CC2D2B: variants seen among roughly 807,000 people sequenced by gnomAD.
CC2D2B encodes coiled-coil and C2 domain containing 2B, also known as protein CC2D2B.
A neutral mutation model predicts 161.2 loss-of-function variants in CC2D2B; 128 were observed. The ratio of observed to expected loss-of-function variants is 0.79; its 90% CI spans 0.69 to 0.92. CC2D2B has a LOEUF of 0.92. Among genes scored for constraint, CC2D2B ranks in the 40% least tolerant of loss-of-function variants. The pLI, the probability that CC2D2B is intolerant of heterozygous loss-of-function variation, is 0.00. For synonymous variants in CC2D2B, 391 were observed against 449.8 expected, an observed-to-expected ratio of 0.87 and a Z score of 1.65; for missense variants, 1,173 against 1,375.1, an observed-to-expected ratio of 0.85 and a Z score of 2.32.
intron 26 of CC2D2B, among the ~76,000 whole-genome samples, chr10:96,010,868 G>A (rs958665849): frequency 8.5e-5 from 13 of 152,186 alleles, no homozygotes; most frequent in Non-Finnish European, 1.5e-4. Context: ...CTGCCTATGT[G>A]TCCTGACACC....
At chr10:95,952,060 G>A (rs1299949319) in intron 10 of CC2D2B, among the ~76,000 whole-genome samples, 10 of 152,084 alleles carry the variant, frequency 6.6e-5, no homozygotes, top group Admixed American at 6.6e-4. Flanking sequence ...CATGTTCATT[G>A]GCCTCCCACT....
intron 25 of CC2D2B, among the ~76,000 whole-genome samples, chr10:96,008,132 GA>G (rs1248701346): frequency 1.4e-5 from 2 of 143,724 alleles, no homozygotes; most frequent in Non-Finnish European, 3.0e-5. Context: ...CTATTTTCTA[GA>G]ATTTTATCGA....
At chr10:95,997,788 G>A (rs1750443788) in intron 24 of CC2D2B, among the ~76,000 whole-genome samples, 2 of 152,174 alleles carry the variant, frequency 1.3e-5, no homozygotes. Flanking sequence ...GTTCCCAGTG[G>A]TTCTAATGCT....
In CC2D2B at chr10:96,013,891, T is replaced by A; in HGVS notation, c.3516+14T>A. 7.7e-7 allele frequency: 1 copy of A among 1,295,842 alleles called. No individual in the cohort carries two copies. Among genetic ancestry groups the A allele is most frequent in the Non-Finnish European group, 1.1e-6 (1 of 945,026 alleles). The allele number at this position is 1,295,842 out of a possible 1,614,324, so 80.3% of individuals were successfully genotyped here. A position where few individuals can be genotyped will look rare whatever the true frequency, so the allele number is the denominator to read the frequency against. On this transcript the variant is annotated intron_variant, in intron 29 of 34. Coordinates refer to ENST00000646931, the MANE Select transcript of CC2D2B (RefSeq NM_001349008.3). ...ATGACATCAGAGGTAATAAATTACA[T>A]TTTATATATATAATTGAAATATATA... is the stretch of plus-strand genomic sequence containing the variant.
At chr10:96,009,974 A>C in intron 26 of CC2D2B, 51 bp downstream of exon 26, 1 of 1,134,154 alleles carries the variant, frequency 8.8e-7, no homozygotes, top group East Asian at 2.4e-5. Flanking sequence ...TCTGGCTCAT[A>C]GAAAAACTTT....
Position 95,925,120 on chromosome 10 carries a change from C to G in CC2D2B, c.240+276C>G, listed in dbSNP as rs1016060131. ...TATTGTTAAAAGATAAACTTAGGAA[C>G]ATTAAAAGTTTAAAGAGTTTATTTG... On this transcript the variant is annotated intron_variant, in intron 5 of 34. Transcript: ENST00000646931. Among the ~76,000 whole-genome samples, 12 of 152,142 alleles carry G rather than the reference C, an allele frequency of 7.9e-5. No individual in the cohort carries two copies. The South Asian group carries it at 2.5e-3, about 32-fold the overall frequency.
At chr10:95,934,977 T>C (rs2075765612) in intron 6 of CC2D2B, among the ~76,000 whole-genome samples, 1 of 152,160 alleles carries the variant, frequency 6.6e-6, no homozygotes, top group Non-Finnish European at 1.5e-5. Context: ...TTCAAGCGAT[T>C]CTCTTGCCTC....
chr10:96,025,183 AT>A (rs61001785), intron 33 of CC2D2B, among the ~76,000 whole-genome samples: 2,798 of 15,432 alleles, frequency 0.18, 151 homozygotes, highest in African/African-American at 0.3. Context: ...ATATATATAT[AT>A]AAAAAAAAAT....
At chr10:95,981,910 G>A (rs976147496) in intron 17 of CC2D2B, 65 bp from the exon 18 acceptor site, 9 of 817,226 alleles carry the variant, frequency 1.1e-5, no homozygotes, top group Non-Finnish European at 1.5e-5. Flanking sequence ...ATATAACAGT[G>A]TATTATATAT....
rs1331841746 is a variant in CC2D2B at position 95,938,691 on chromosome 10, C to T, written c.658C>T (p.Leu220Phe). The change falls in exon 8 of 35, where the codon CTT (leucine) becomes TTT (phenylalanine). Residue 220 changes from leucine to phenylalanine, a missense_variant. Physicochemically the swap from Leu to Phe is conservative, Grantham distance 22. Coordinates refer to ENST00000646931, the MANE Select transcript of CC2D2B (RefSeq NM_001349008.3). The part of the protein sequence containing the change: ...KTCNKMENRL[L>F]KLEEGKCWFG... ...CTGCAACAAAATGGAAAATCGCCTGCTTAAACTAGAAGAGGCAAGTGCACC... is the reference window on the plus strand; with the variant it reads ...CTGCAACAAAATGGAAAATCGCCTGTTTAAACTAGAAGAGGCAAGTGCACC... 2 of 712,526 alleles carry T rather than the reference C, an allele frequency of 2.8e-6. No homozygotes were observed. 44.1% of individuals were successfully genotyped at this position (712,526 alleles called of 1,614,324 possible).
In CC2D2B at chr10:95,974,050, T is replaced by C; in HGVS notation, c.1837T>C (p.Cys613Arg). Residue 613 changes from cysteine (C) to arginine (R), a missense_variant, in exon 17 of 35, where the codon TGT becomes CGT. Around this residue, in one of 3 missense-constraint regions of CC2D2B, gnomAD observed 277 missense variants for 420.6 expected, o/e 0.66. Coordinates refer to ENST00000646931, the MANE Select transcript of CC2D2B (RefSeq NM_001349008.3). ...TGAGGGAAATGGAACTGAAGAACTC[T>C]GTCTTTTGACATCAGGAAAACTTAG... is the stretch of plus-strand genomic sequence containing the variant. ...LLEGNGTEELCLLTSGKLSYS... is the reference protein window; with the variant it reads ...LLEGNGTEELRLLTSGKLSYS... The C allele has an allele frequency of 8.1e-7, 1 of 1,231,688 alleles. No homozygotes were observed. Among genetic ancestry groups the C allele is most frequent in the Non-Finnish European group, 1.0e-6 (1 of 987,556 alleles). 76.3% of individuals were successfully genotyped at this position (1,231,688 alleles called of 1,614,324 possible). A position where few individuals can be genotyped will look rare whatever the true frequency, so the allele number is the denominator to read the frequency against.
chr10:96,012,222 T>C lies in CC2D2B; in HGVS notation c.3083T>C (p.Leu1028Ser), dbSNP rs2079025005. 1.4e-6 allele frequency: 1 copy of C among 702,326 alleles called. No homozygotes were observed. The highest frequency in any genetic ancestry group is 1.8e-5 in the African/African-American group (1 of 56,526). The allele number at this position is 702,326 out of a possible 1,614,324, so 43.5% of individuals were successfully genotyped here. The change falls in exon 27 of 35, where the codon TTG (leucine) becomes TCG (serine). Residue 1028 changes from leucine to serine, a missense_variant. Leu to Ser is a moderately radical substitution (Grantham distance 145). Transcript: ENST00000646931. ...TTTCAAGTAACTATTCCACCAGTTT[T>C]GCTCGGGTATACTTGGAGTAATACT... ...GTFQVTIPPVLLGYTWSNTYV... is the reference protein window; with the variant it reads ...GTFQVTIPPVSLGYTWSNTYV...
At chr10:95,912,777 A>G (rs2098508723) in intron 2 of CC2D2B, among the ~76,000 whole-genome samples, 1 of 152,160 alleles carries the variant, frequency 6.6e-6, no homozygotes, top group Non-Finnish European at 1.5e-5. Flanking sequence ...TTTATCATTA[A>G]AAGGCCTTTT....
rs2080108752 is a variant in CC2D2B, at chr10:96,032,931, C to T, written c.*923C>T. On this transcript the variant is annotated 3_prime_UTR_variant, in exon 35 of 35. Coordinates refer to ENST00000646931, the MANE Select transcript of CC2D2B (RefSeq NM_001349008.3). ...TGGCTTATCTAGATCCTAAGAGCCC[C>T]TCAAGAAAGACTGGACAGGGGTCTA... 1 of 320,568 alleles carries T rather than the reference C, an allele frequency of 3.1e-6. No homozygotes were observed. Among genetic ancestry groups the T allele is most frequent in the Admixed American group, 3.8e-5 (1 of 26,002 alleles). 19.9% of individuals were successfully genotyped at this position (320,568 alleles called of 1,614,324 possible). A position where few individuals can be genotyped will look rare whatever the true frequency, so the allele number is the denominator to read the frequency against.
At chr10:95,983,860 T>C in intron 19 of CC2D2B, 51 bp downstream of exon 19, 1 of 822,854 alleles carries the variant, frequency 1.2e-6, no homozygotes, top group South Asian at 6.3e-5. Flanking sequence ...AGTTAACGTT[T>C]TGCTGCTTTA....
chr10:95,953,241 G>C (rs1319192901), intron 10 of CC2D2B, among the ~76,000 whole-genome samples: 1 of 151,896 alleles, frequency 6.6e-6, no homozygotes, highest in African/African-American at 2.4e-5. Flanking sequence ...TTTTGAGAAA[G>C]GTCTCACTCT....
In CC2D2B at chr10:95,984,911, G is replaced by A. The variant is rs143182176; in HGVS notation, c.2286+1102G>A. On this transcript the variant is annotated intron_variant, in intron 19 of 34. Coordinates refer to ENST00000646931, the MANE Select transcript of CC2D2B (RefSeq NM_001349008.3). ...CACACACACCCACATACACATGTGT[G>A]TGTATATATATTTCTACTTTTCTAT... Among the ~76,000 whole-genome samples, 239 of 151,882 alleles carry A rather than the reference G, an allele frequency of 1.6e-3. 1 individual carries two copies. The highest frequency in any genetic ancestry group is 0.014 in the Middle Eastern group (4 of 294).
At chr10:95,927,161 T>G in intron 5 of CC2D2B, 76 bp from the exon 6 acceptor site, 2 of 770,032 alleles carry the variant, frequency 2.6e-6, no homozygotes, top group South Asian at 3.6e-5. Flanking sequence ...ATGTTTACCA[T>G]ATTACAGAAA....
intron 17 of CC2D2B, among the ~76,000 whole-genome samples, chr10:95,975,993 C>G (rs1189307495): frequency 3.3e-5 from 5 of 152,126 alleles, no homozygotes. Flanking sequence ...GATGTTTGTC[C>G]TCCTCACTCT....
Sources: gnomAD v4.1 joint callset for allele counts (sites outside exome capture counted in the v4.1 genomes callset) on GRCh38, gnomAD v4.1.1 for gene constraint, gnomAD v4.1.1 regional missense constraint, MANE v1.5 for transcripts, NCBI Gene and HGNC (gene_info 2026-07-23, HGNC 2026-07-21) for gene names.